The following WDR64 variants were observed in gnomAD, a reference collection of about 807,000 sequenced individuals.
The protein encoded by WDR64 is WD repeat domain 64.
Under a neutral mutation model 139.3 loss-of-function variants are expected in WDR64, and 112 were observed. That is an observed-to-expected ratio of 0.80 (90% CI 0.69 to 0.94). WDR64 has a LOEUF of 0.94. Ranked by LOEUF, WDR64 falls within the 40% of genes least tolerant of loss-of-function variation. WDR64 has a pLI of 0.00. For missense variants in WDR64, 1,206 were observed against 1,293.1 expected (o/e 0.93, Z 1.03); for synonymous variants, 444 against 437.7 (o/e 1.01, Z -0.18).
chr1:241,706,024 TCAA>T (rs554322374), intron 8 of WDR64, among the ~76,000 whole-genome samples: 213 of 152,362 alleles, frequency 1.4e-3, no homozygotes, highest in Non-Finnish European at 2.3e-3. Flanking sequence ...TTTTATGTCT[TCAA>T]CATTTTTCTT....
chr1:241,732,969 T>C (rs369974795), intron 10 of WDR64, among the ~76,000 whole-genome samples: 1 of 152,230 alleles, frequency 6.6e-6, no homozygotes, highest in East Asian at 1.9e-4. Flanking sequence ...GGTACACACA[T>C]GTATATATTT....
intron 16 of WDR64, among the ~76,000 whole-genome samples, chr1:241,767,612 G>A (rs1352289504): frequency 6.6e-6 from 1 of 152,164 alleles, no homozygotes; most frequent in Non-Finnish European, 1.5e-5. Context: ...GAATTGGAAA[G>A]GACAGGAGAA....
At chr1:241,799,995 A>T (rs1241319167) in intron 27 of WDR64, among the ~76,000 whole-genome samples, 1 of 152,256 alleles carries the variant, frequency 6.6e-6, no homozygotes, top group African/African-American at 2.4e-5. Flanking sequence ...ATGAAGGCAG[A>T]AACTTTGCCT....
intron 10 of WDR64, among the ~76,000 whole-genome samples, chr1:241,735,927 A>G (rs1669306465): frequency 6.9e-6 from 1 of 143,952 alleles, no homozygotes; most frequent in African/African-American, 2.6e-5. Flanking sequence ...ACTTTCCTCT[A>G]CCTGGTTCTT....
At chr1:241,668,582 AAC>A (rs1311666811) in intron 2 of WDR64, among the ~76,000 whole-genome samples, 1 of 151,942 alleles carries the variant, frequency 6.6e-6, no homozygotes, top group East Asian at 1.9e-4. Flanking sequence ...CTTAGAAAAA[AAC>A]AGTCTCATCC....
At chr1:241,741,094 A>G (rs1669522738) in intron 11 of WDR64, among the ~76,000 whole-genome samples, 1 of 152,192 alleles carries the variant, frequency 6.6e-6, no homozygotes, top group Admixed American at 6.5e-5. Flanking sequence ...GGGGCTCTCT[A>G]ACAATAAATT....
rs917623849 is a variant in WDR64 at position 241,771,684 on chromosome 1, C to G, written c.2277C>G (p.Asp759Glu). Residue 759 changes from aspartate to glutamate, a missense_variant, in exon 19 of 28, where the codon GAC (aspartate) becomes GAG (glutamate). Coordinates refer to ENST00000437684, the MANE Select transcript of WDR64 (RefSeq NM_001367482.1). Reference protein sequence around the residue: ...SSKGSKQSIHDSEVKGEQTDV... With the variant: ...SSKGSKQSIHESEVKGEQTDV... ...AGGGAAGCAAGCAAAGCATACATGA[C>G]AGTGAGGTTAAAGGTCAGTATGAAA... The G allele has an allele frequency of 1.3e-6, 2 of 1,499,990 alleles. No individual in the cohort carries two copies. Among genetic ancestry groups the G allele is most frequent in the Non-Finnish European group, 1.8e-6 (2 of 1,122,002 alleles). 92.9% of individuals were successfully genotyped at this position (1,499,990 alleles called of 1,614,324 possible).
chr1:241,674,836 TC>T (rs1342242976), intron 4 of WDR64, 89 bp downstream of exon 4: 8 of 532,270 alleles, frequency 1.5e-5, no homozygotes, highest in Admixed American at 8.1e-5. Flanking sequence ...CCTCCCTCCC[TC>T]CCTTCCTTCC....
intron 20 of WDR64, among the ~76,000 whole-genome samples, chr1:241,774,522 C>T (rs146566631): frequency 1.7e-4 from 26 of 152,200 alleles, no homozygotes; most frequent in African/African-American, 5.8e-4. Flanking sequence ...CAAGATAATA[C>T]GTGTTAAAGT....
At chr1:241,776,140 G>A (rs764247793) in intron 21 of WDR64, among the ~76,000 whole-genome samples, 7 of 151,894 alleles carry the variant, frequency 4.6e-5, no homozygotes, top group Non-Finnish European at 1.0e-4. Flanking sequence ...GTGCAGTAGT[G>A]CAATCCTGGC....
intron 16 of WDR64, among the ~76,000 whole-genome samples, chr1:241,767,338 GTT>G (rs1553378923): frequency 1.5e-5 from 2 of 136,974 alleles, no homozygotes; most frequent in African/African-American, 2.7e-5. Context: ...ACTTCTCAAT[GTT>G]TTTTTTTTTT....
chr1:241,744,388 C>T lies in WDR64; in HGVS notation c.1471-5C>T, dbSNP rs1385491071. 9 of 1,613,580 alleles carry T rather than the reference C, an allele frequency of 5.6e-6. No homozygotes were observed. Among genetic ancestry groups the T allele is most frequent in the Non-Finnish European group, 7.6e-6 (9 of 1,179,838 alleles). ...ATTACTTGATATTTTCGTTCTTTCC[C>T]ATAGGTATGGGAACTCGAGACTGGG... On this transcript the variant is annotated splice_polypyrimidine_tract_variant and splice_region_variant and intron_variant, in intron 12 of 27. Transcript: ENST00000437684.
At chr1:241,652,658 A>G (rs1313171833) in intron 1 of WDR64, 29 bp downstream of exon 1, 6 of 1,549,556 alleles carry the variant, frequency 3.9e-6, no homozygotes, top group East Asian at 4.9e-5. Context: ...CGATAGTCCA[A>G]TTGGGTCTGT....
chr1:241,695,834 A>G lies in WDR64; in HGVS notation c.974+8239A>G, dbSNP rs370830304. Among the ~76,000 whole-genome samples, 5 of 152,152 alleles carry G rather than the reference A, an allele frequency of 3.3e-5. 1 individual carries two copies. The highest frequency in any genetic ancestry group is 9.6e-5 in the African/African-American group (4 of 41,516). On this transcript the variant is annotated intron_variant, in intron 8 of 27. Transcript: ENST00000437684. ...ATAGAAATCAAGGCATTATTCTGAG[A>G]CCAGACATAGTGGCTAAGCCTGTAA... is the stretch of plus-strand genomic sequence containing the variant.
rs567437525 is a variant in WDR64 at position 241,713,098 on chromosome 1, G to A, written c.1054+1217G>A. On this transcript the variant is annotated intron_variant, in intron 9 of 27. Transcript: ENST00000437684. ...GAGACAGGAGGATCGCTTGAGCCCA[G>A]GAGCTCAAGACTAGCCTGGGCAATA... 4.6e-5 allele frequency among the ~76,000 whole-genome samples: 7 copies of A among 151,936 alleles called. No individual in the cohort carries two copies. In the East Asian group the frequency reaches 1.2e-3, roughly 25 times the overall value.
intron 16 of WDR64, 125 bp downstream of exon 16, chr1:241,766,476 G>A: frequency 9.1e-7 from 1 of 1,096,034 alleles, no homozygotes; most frequent in Non-Finnish European, 1.3e-6. Context: ...TTTGGGAGGA[G>A]GATCACTTAA....
At chr1:241,744,279 G>C in intron 12 of WDR64, 114 bp from the exon 13 acceptor site, 1 of 1,273,206 alleles carries the variant, frequency 7.9e-7, no homozygotes, top group South Asian at 1.4e-5. Flanking sequence ...GCTAGGAAAT[G>C]TGTTAGATGT....
chr1:241,697,998 T>TGGGTG (rs1667563102), intron 8 of WDR64, among the ~76,000 whole-genome samples: 1 of 152,172 alleles, frequency 6.6e-6, no homozygotes, highest in Non-Finnish European at 1.5e-5. Context: ...CTTTTCTTCT[T>TGGGTG]ACATTCTATC....
chr1:241,780,292 C>T (rs945630418), intron 22 of WDR64, among the ~76,000 whole-genome samples: 3 of 152,146 alleles, frequency 2.0e-5, no homozygotes, highest in Non-Finnish European at 4.4e-5. Flanking sequence ...CACTTTGCAT[C>T]GTCTTCATGT....
Sources: gnomAD v4.1 joint callset for allele counts (sites outside exome capture counted in the v4.1 genomes callset) on GRCh38, gnomAD v4.1.1 for gene constraint, MANE v1.5 for transcripts, NCBI Gene and HGNC (gene_info 2026-07-23, HGNC 2026-07-21) for gene names.